SNTB2: variants seen among roughly 807,000 people sequenced by gnomAD.
SNTB2 encodes syntrophin beta 2.
In SNTB2, 34 loss-of-function variants were observed where a neutral mutation model predicts 46.2. The ratio of observed to expected loss-of-function variants is 0.74; its 90% CI spans 0.56 to 0.98. The LOEUF is 0.98. Ranked by LOEUF, SNTB2 falls within the 50% of genes least tolerant of loss-of-function variation. The pLI is 0.00. For missense variants in SNTB2, 603 were observed against 731.4 expected (o/e 0.82, Z 2.02); for synonymous variants, 290 against 312.6 (o/e 0.93, Z 0.76).
chr16:69,275,980 A>G (rs774519523), intron 4 of SNTB2, among the ~76,000 whole-genome samples: 1 of 152,220 alleles, frequency 6.6e-6, no homozygotes, highest in Non-Finnish European at 1.5e-5. Flanking sequence ...AAAGCTCTGT[A>G]CGTGTGTGGG....
chr16:69,235,576 C>A, intron 1 of SNTB2: 1 of 636,340 alleles, frequency 1.6e-6, no homozygotes, highest in Non-Finnish European at 2.0e-6. Flanking sequence ...AGAAATGAGA[C>A]CAAAGTGGGG....
chr16:69,279,971 C>G (rs1965024105), intron 4 of SNTB2, among the ~76,000 whole-genome samples: 1 of 151,930 alleles, frequency 6.6e-6, no homozygotes, highest in South Asian at 2.1e-4. Flanking sequence ...AACAAGTGAA[C>G]AAAGGTCTCT....
In SNTB2 at chr16:69,245,728, A is replaced by G; in HGVS notation, c.707A>G (p.His236Arg). ...SGSEDSGSPKHQNSTKDRKII... is the reference protein window; with the variant it reads ...SGSEDSGSPKRQNSTKDRKII... ...AGTGAGGACTCTGGTTCGCCAAAAC[A>G]CCAGAACAGCACCAAGGACAGGAAG... The change falls in exon 2 of 7, where the codon CAC becomes CGC. Residue 236 changes from histidine to arginine, a missense_variant. Around this residue, in one of 2 missense-constraint regions of SNTB2, gnomAD observed 537 missense variants for 692.4 expected, o/e 0.78. Coordinates refer to ENST00000336278, the MANE Select transcript of SNTB2 (RefSeq NM_006750.4). 6.2e-7 allele frequency: 1 copy of G among 1,614,046 alleles called. No homozygotes were observed. Among genetic ancestry groups the G allele is most frequent in the Admixed American group, 1.7e-5 (1 of 59,994 alleles).
intron 1 of SNTB2, among the ~76,000 whole-genome samples, chr16:69,234,987 G>C (rs1020591325): frequency 1.3e-5 from 2 of 152,162 alleles, no homozygotes; most frequent in African/African-American, 4.8e-5. Flanking sequence ...ACAGGTGTGA[G>C]CCACTGCGCC....
intron 4 of SNTB2, among the ~76,000 whole-genome samples, chr16:69,272,165 T>C (rs1964943663): frequency 6.6e-6 from 1 of 152,130 alleles, no homozygotes; most frequent in Non-Finnish European, 1.5e-5. Context: ...AATGTCACCA[T>C]CAAGAAAGTG....
intron 1 of SNTB2, among the ~76,000 whole-genome samples, chr16:69,217,027 A>AT (rs552812879): frequency 1.1e-4 from 17 of 150,342 alleles, no homozygotes; most frequent in South Asian, 4.2e-4. Context: ...ATCCCTGATC[A>AT]TTTTTTTTTT....
intron 3 of SNTB2, among the ~76,000 whole-genome samples, chr16:69,261,601 CATG>C (rs1342503121): frequency 6.6e-6 from 1 of 151,982 alleles, no homozygotes; most frequent in Non-Finnish European, 1.5e-5. Context: ...TAATGAAAGT[CATG>C]ATATAAGTAC....
chr16:69,253,118 C>G (rs1032625090), intron 2 of SNTB2, among the ~76,000 whole-genome samples: 1 of 151,104 alleles, frequency 6.6e-6, no homozygotes, highest in East Asian at 2.0e-4. Flanking sequence ...CTAGGATGGT[C>G]TCGATCTCCT....
chr16:69,189,483 G>A (rs1964028194), intron 1 of SNTB2, among the ~76,000 whole-genome samples: 1 of 152,166 alleles, frequency 6.6e-6, no homozygotes, highest in African/African-American at 2.4e-5. Flanking sequence ...GGCCAGGCGT[G>A]GTGGCTCATG....
chr16:69,246,794 G>A (rs1597185736), intron 2 of SNTB2, among the ~76,000 whole-genome samples: 1 of 149,028 alleles, frequency 6.7e-6, no homozygotes, highest in East Asian at 2.0e-4. Context: ...TCTTGGGAGA[G>A]TGTATGTGTC....
chr16:69,223,700 C>T (rs1338617636), intron 1 of SNTB2, among the ~76,000 whole-genome samples: 1 of 152,016 alleles, frequency 6.6e-6, no homozygotes, highest in Non-Finnish European at 1.5e-5. Context: ...CCAATCTCGG[C>T]TCACTGCAAG....
At position 69,205,231 on chromosome 16, in the gene SNTB2, C is replaced by T. The variant is rs991928792; in HGVS notation, c.580+17485C>T. On this transcript the variant is annotated intron_variant, in intron 1 of 6. Transcript: ENST00000336278. ...GTGGTGCGATCTCAGCTTACTGCAA[C>T]CACCACCTCCTGGGTTCAAGCAATT... Among the ~76,000 whole-genome samples, 13 of 151,184 alleles carry T rather than the reference C, an allele frequency of 8.6e-5. 1 individual carries two copies. Among genetic ancestry groups the T allele is most frequent in the Middle Eastern group, 3.4e-3 (1 of 294 alleles).
chr16:69,277,417 A>G (rs1031588324), intron 4 of SNTB2, among the ~76,000 whole-genome samples: 1 of 152,202 alleles, frequency 6.6e-6, no homozygotes, highest in Non-Finnish European at 1.5e-5. Context: ...TTCCAAATGA[A>G]TGATATATGG....
At chr16:69,200,250 AGTTTAGGAATTTAG>A (rs1164601139) in intron 1 of SNTB2, among the ~76,000 whole-genome samples, 1 of 152,116 alleles carries the variant, frequency 6.6e-6, no homozygotes, top group Admixed American at 6.6e-5. Flanking sequence ...GCTTACAGTG[AGTTTAGGAATTTAG>A]ATATTAGGCG....
At chr16:69,240,202 G>A (rs1046013808) in intron 1 of SNTB2, among the ~76,000 whole-genome samples, 2 of 152,046 alleles carry the variant, frequency 1.3e-5, no homozygotes, top group Non-Finnish European at 2.9e-5. Flanking sequence ...AATTCTACAT[G>A]CCTAAAACAG....
At chr16:69,222,279 A>G (rs1248056029) in intron 1 of SNTB2, among the ~76,000 whole-genome samples, 1 of 152,204 alleles carries the variant, frequency 6.6e-6, no homozygotes, top group East Asian at 1.9e-4. Context: ...AGCTTTTACA[A>G]AGCACAATCA....
At chr16:69,213,822 C>CTTTTT (rs35759695) in intron 1 of SNTB2, among the ~76,000 whole-genome samples, 19 of 91,632 alleles carry the variant, frequency 2.1e-4, no homozygotes, top group African/African-American at 3.2e-4. Context: ...TTTTAGAGTT[C>CTTTTT]TTTTTTTTTT....
At chr16:69,242,692 T>C (rs1181035952) in intron 1 of SNTB2, among the ~76,000 whole-genome samples, 2 of 152,128 alleles carry the variant, frequency 1.3e-5, no homozygotes, top group Admixed American at 6.6e-5. Context: ...GTAATGCTTT[T>C]GGGGTGGGAG....
At chr16:69,260,927 TA>T (rs1166088488) in intron 3 of SNTB2, among the ~76,000 whole-genome samples, 2 of 152,128 alleles carry the variant, frequency 1.3e-5, no homozygotes, top group Admixed American at 1.3e-4. Context: ...GATGTTGAGT[TA>T]AAGGAAAAGA....
Sources: gnomAD v4.1 joint callset for allele counts (sites outside exome capture counted in the v4.1 genomes callset) on GRCh38, gnomAD v4.1.1 for gene constraint, gnomAD v4.1.1 regional missense constraint, MANE v1.5 for transcripts, NCBI Gene and HGNC (gene_info 2026-07-23, HGNC 2026-07-21) for gene names.